KCNIP4: variants seen among roughly 807,000 people sequenced by gnomAD.
KCNIP4 encodes potassium voltage-gated channel interacting protein 4, also known as Kv channel-interacting protein 4.
Under a neutral mutation model 34.0 loss-of-function variants are expected in KCNIP4, and 12 were observed. That is an observed-to-expected ratio of 0.35 (90% CI 0.23 to 0.57). The LOEUF is 0.57. Ranked by LOEUF, KCNIP4 falls within the 20% of genes least tolerant of loss-of-function variation. The pLI is 0.83. For synonymous variants in KCNIP4, 124 were observed against 102.2 expected (o/e 1.21, Z -1.29); for missense variants, 238 against 311.7 (o/e 0.76, Z 1.78).
At chr4:21,765,493 G>GGTCAATTTCT (rs1426085496) in intron 1 of KCNIP4, among the ~76,000 whole-genome samples, 26 of 151,904 alleles carry the variant, frequency 1.7e-4, no homozygotes, top group South Asian at 2.1e-4. Context: ...GGGGAAAAGT[G>GGTCAATTTCT]GTCAATTTCT....
intron 1 of KCNIP4, among the ~76,000 whole-genome samples, chr4:21,652,425 G>T (rs1404731970): frequency 6.6e-6 from 1 of 152,054 alleles, no homozygotes; most frequent in East Asian, 1.9e-4. Context: ...ATGTCAGGTG[G>T]GAGGTGGAAC....
At chr4:21,416,370 CTGAG>C (rs1454171379) in intron 1 of KCNIP4, among the ~76,000 whole-genome samples, 1 of 152,102 alleles carries the variant, frequency 6.6e-6, no homozygotes, top group Non-Finnish European at 1.5e-5. Context: ...TAAGAGAAGA[CTGAG>C]TAATAGAACC....
chr4:21,537,231 G>T (rs918737197), intron 1 of KCNIP4, among the ~76,000 whole-genome samples: 6 of 152,180 alleles, frequency 3.9e-5, no homozygotes, highest in African/African-American at 1.4e-4. Context: ...GGCAAATGTA[G>T]AAGTACCTCA....
intron 1 of KCNIP4, among the ~76,000 whole-genome samples, chr4:20,996,440 C>G (rs1737561706): frequency 6.6e-6 from 1 of 152,216 alleles, no homozygotes; most frequent in South Asian, 2.1e-4. Flanking sequence ...TCCCACACCT[C>G]CTCATCACAG....
chr4:21,112,046 T>TATCTATCTATCTATCTATCTATCC (rs1560732869), intron 1 of KCNIP4, among the ~76,000 whole-genome samples: 11 of 151,882 alleles, frequency 7.2e-5, no homozygotes, highest in Non-Finnish European at 1.5e-4. Flanking sequence ...TCTATCTATC[T>TATCTATCTATCTATCTATCTATCC]ATCTATCTAT....
chr4:21,152,815 T>C (rs1456122161), intron 1 of KCNIP4, among the ~76,000 whole-genome samples: 4 of 152,136 alleles, frequency 2.6e-5, no homozygotes, highest in Admixed American at 6.5e-5. Flanking sequence ...GCGAAGCCTA[T>C]TGTGAACTAC....
chr4:21,407,831 A>G (rs528036493), intron 1 of KCNIP4, among the ~76,000 whole-genome samples: 1 of 152,304 alleles, frequency 6.6e-6, no homozygotes, highest in South Asian at 2.1e-4. Context: ...CATACAGTTA[A>G]GGAGAAAAAG....
intron 1 of KCNIP4, among the ~76,000 whole-genome samples, chr4:21,180,715 A>G (rs917840217): frequency 6.6e-6 from 1 of 150,386 alleles, no homozygotes; most frequent in Admixed American, 6.7e-5. Flanking sequence ...ATATTTGTGT[A>G]TATATATAGT....
At chr4:21,677,522 T>C (rs936014389) in intron 1 of KCNIP4, among the ~76,000 whole-genome samples, 3 of 152,148 alleles carry the variant, frequency 2.0e-5, no homozygotes, top group Admixed American at 6.5e-5. Flanking sequence ...CCTGCAGCCA[T>C]CTGCTGCCAA....
At chr4:20,831,821 G>T (rs938751698) in intron 3 of KCNIP4, among the ~76,000 whole-genome samples, 1 of 152,168 alleles carries the variant, frequency 6.6e-6, no homozygotes. Flanking sequence ...TGATTCTGCT[G>T]CTGACAAGCA....
At chr4:21,190,507 G>C (rs1193117266) in intron 1 of KCNIP4, among the ~76,000 whole-genome samples, 5 of 116,642 alleles carry the variant, frequency 4.3e-5, no homozygotes, top group Non-Finnish European at 6.6e-5. Context: ...GCGAGTGGGT[G>C]GGGGGGGGCA....
intron 1 of KCNIP4, among the ~76,000 whole-genome samples, chr4:21,509,156 T>C (rs1217714319): frequency 6.6e-6 from 1 of 152,112 alleles, no homozygotes; most frequent in East Asian, 1.9e-4. Flanking sequence ...AAAGGTGAGA[T>C]TTCTATGAAA....
chr4:21,779,533 C>T (rs1286724897), intron 1 of KCNIP4, among the ~76,000 whole-genome samples: 1 of 152,142 alleles, frequency 6.6e-6, no homozygotes, highest in Non-Finnish European at 1.5e-5. Flanking sequence ...TCACATTGTA[C>T]ACCATAAATA....
At chr4:21,486,486 A>G (rs996455917) in intron 1 of KCNIP4, among the ~76,000 whole-genome samples, 1 of 152,190 alleles carries the variant, frequency 6.6e-6, no homozygotes, top group African/African-American at 2.4e-5. Flanking sequence ...AGGAAATGGA[A>G]GGATTCCTCT....
intron 1 of KCNIP4, among the ~76,000 whole-genome samples, chr4:21,896,209 T>C (rs1309025850): frequency 2.6e-5 from 4 of 152,136 alleles, no homozygotes; most frequent in Non-Finnish European, 5.9e-5. Context: ...CAGATAAAAA[T>C]TATGCAGATA....
chr4:21,648,125 G>A (rs1200107098), intron 1 of KCNIP4, among the ~76,000 whole-genome samples: 3 of 151,584 alleles, frequency 2.0e-5, no homozygotes, highest in Admixed American at 6.6e-5. Flanking sequence ...CGCCTGCCTC[G>A]GCCTCCCAAA....
At chr4:21,405,259 A>G (rs867918259) in intron 1 of KCNIP4, among the ~76,000 whole-genome samples, 1 of 152,106 alleles carries the variant, frequency 6.6e-6, no homozygotes, top group Admixed American at 6.6e-5. Context: ...TTTGGAGTTG[A>G]GCTCAGTCTC....
At chr4:21,857,264 T>C (rs1724817569) in intron 1 of KCNIP4, among the ~76,000 whole-genome samples, 1 of 152,190 alleles carries the variant, frequency 6.6e-6, no homozygotes, top group Non-Finnish European at 1.5e-5. Context: ...GACCACCAGC[T>C]GCAGAAAGGA....
At chr4:21,794,943 T>C (rs1396455429) in intron 1 of KCNIP4, among the ~76,000 whole-genome samples, 1 of 152,070 alleles carries the variant, frequency 6.6e-6, no homozygotes, top group African/African-American at 2.4e-5. Context: ...CACTGAGACC[T>C]GAAGTTCCCT....
Sources: allele counts gnomAD v4.1 joint callset (sites outside exome capture counted in the v4.1 genomes callset), GRCh38; gene constraint gnomAD v4.1.1; transcripts MANE v1.5; gene names NCBI Gene and HGNC (gene_info 2026-07-23, HGNC 2026-07-21).